The following CYP2C19 variants were observed in gnomAD, a reference collection of about 807,000 sequenced individuals.
CYP2C19 encodes cytochrome P450 2C19.
In CYP2C19, 59 loss-of-function variants were observed where a neutral mutation model predicts 40.9. The ratio of observed to expected loss-of-function variants is 1.44; its 90% CI spans 1.17 to 1.79. The LOEUF is 1.79. CYP2C19 is among the 40% of genes most tolerant of loss of function. The pLI is 0.00. For synonymous variants in CYP2C19, 253 were observed against 208.7 expected (o/e 1.21, Z -1.83); for missense variants, 754 against 596.9 (o/e 1.26, Z -2.74).
chr10:94,818,260 G>GGTACCA (rs954177160), intron 5 of CYP2C19, among the ~76,000 whole-genome samples: 2 of 145,980 alleles, frequency 1.4e-5, no homozygotes, highest in African/African-American at 5.1e-5. Context: ...TCTCTGTTTT[G>GGTACCA]GTACCAGTAC....
rs1849509415 is a variant in CYP2C19, at chr10:94,842,401, T to TC, written c.962-436_962-435insC. 1.3e-5 allele frequency among the ~76,000 whole-genome samples: 2 copies of TC among 150,948 alleles called. 1 individual carries two copies. The highest frequency in any genetic ancestry group is 3.9e-4 in the East Asian group (2 of 5,156). ...GTGTTTTTTTAAGTGAAGTTTTTTTTTTTTTTTTTTTTAGGCAACAGATTA... is the reference window on the plus strand; with the variant it reads ...GTGTTTTTTTAAGTGAAGTTTTTTTTCTTTTTTTTTTTTAGGCAACAGATTA... On this transcript the variant is annotated intron_variant, in intron 6 of 8. Coordinates refer to ENST00000371321, the MANE Select transcript of CYP2C19 (RefSeq NM_000769.4).
rs79844221 is a variant in CYP2C19, at chr10:94,767,718, G to T, written c.168+4845G>T. Among the ~76,000 whole-genome samples, 45 of 152,292 alleles carry T rather than the reference G, an allele frequency of 3.0e-4. No homozygotes were observed. In the East Asian group the frequency reaches 8.5e-3, roughly 29 times the overall value. ...TGATGAGTGTTTTCAATACCCATAT[G>T]AAAAGTTTGGAGGAGGGTTTTAAGT... On this transcript the variant is annotated intron_variant, in intron 1 of 8. Coordinates refer to ENST00000371321, the MANE Select transcript of CYP2C19 (RefSeq NM_000769.4).
At chr10:94,823,845 T>C (rs542697916) in intron 6 of CYP2C19, among the ~76,000 whole-genome samples, 8 of 152,290 alleles carry the variant, frequency 5.3e-5, no homozygotes, top group Admixed American at 5.2e-4. Context: ...TTATAGAAAG[T>C]CCTGAGCTCC....
intron 8 of CYP2C19, among the ~76,000 whole-genome samples, chr10:94,850,643 T>G (rs1259982942): frequency 2.6e-5 from 4 of 152,054 alleles, no homozygotes; most frequent in Non-Finnish European, 5.9e-5. Flanking sequence ...TAACCCAAAA[T>G]GAGACATAAG....
chr10:94,816,534 A>AT (rs1564674327), intron 5 of CYP2C19, among the ~76,000 whole-genome samples: 1 of 150,452 alleles, frequency 6.6e-6, no homozygotes, highest in Non-Finnish European at 1.5e-5. Context: ...CTACTTATTT[A>AT]TTTTTTTAAT....
At chr10:94,831,399 G>A (rs754130355) in intron 6 of CYP2C19, among the ~76,000 whole-genome samples, 5 of 152,192 alleles carry the variant, frequency 3.3e-5, no homozygotes, top group Non-Finnish European at 7.4e-5. Context: ...ATACCCAGTA[G>A]TAGGGTTGTT....
intron 8 of CYP2C19, 104 bp from the exon 9 acceptor site, chr10:94,852,629 G>C (rs552671263): frequency 1.6e-6 from 2 of 1,263,038 alleles, no homozygotes; most frequent in Non-Finnish European, 2.3e-6. Context: ...ATGATTCACC[G>C]AACAGTTCTT....
chr10:94,853,054 C>A lies in CYP2C19; in HGVS notation c.*140C>A. 2.2e-6 allele frequency: 2 copies of A among 911,848 alleles called. No homozygotes were observed. The highest frequency in any genetic ancestry group is 3.3e-6 in the Non-Finnish European group (2 of 610,606). The allele number at this position is 911,848 out of a possible 1,614,324, so 56.5% of individuals were successfully genotyped here. Reference sequence around the variant, plus strand: ...CCCCAAGATCTAGTGAACATTCAGCCTCCATTAAAAAAGTTTCACTGTGCA... The same window carrying A: ...CCCCAAGATCTAGTGAACATTCAGCATCCATTAAAAAAGTTTCACTGTGCA... On this transcript the variant is annotated 3_prime_UTR_variant, in exon 9 of 9. Coordinates refer to ENST00000371321, the MANE Select transcript of CYP2C19 (RefSeq NM_000769.4).
intron 5 of CYP2C19, among the ~76,000 whole-genome samples, chr10:94,801,073 A>T (rs1186164991): frequency 6.6e-6 from 1 of 152,186 alleles, no homozygotes; most frequent in Non-Finnish European, 1.5e-5. Flanking sequence ...CCGCAGTTGG[A>T]AGTGCAGAAA....
At chr10:94,850,539 G>T (rs1443046995) in intron 8 of CYP2C19, among the ~76,000 whole-genome samples, 1 of 152,186 alleles carries the variant, frequency 6.6e-6, no homozygotes, top group Non-Finnish European at 1.5e-5. Context: ...ACAGATCATT[G>T]TAGTTCAATA....
chr10:94,820,581 C>G lies in CYP2C19; in HGVS notation c.905C>G (p.Thr302Arg), dbSNP rs58259047. 11 of 1,614,058 alleles carry G rather than the reference C, an allele frequency of 6.8e-6. No individual in the cohort carries two copies. The East Asian group carries it at 8.9e-5, about 13-fold the overall frequency. ...TTACTTGGAGCTGGGACAGAGACAACAAGCACAACCCTGAGATATGCTCTC... is the reference window on the plus strand; with the variant it reads ...TTACTTGGAGCTGGGACAGAGACAAGAAGCACAACCCTGAGATATGCTCTC... ...ADLLGAGTET[T>R]STTLRYALLL... Residue 302 changes from threonine to arginine, a missense_variant, in exon 6 of 9, where the codon ACA (threonine) becomes AGA (arginine). By Grantham distance (71) the Thr-to-Arg change is moderately conservative. Transcript: ENST00000371321.
At chr10:94,848,436 C>T (rs1355033144) in intron 7 of CYP2C19, among the ~76,000 whole-genome samples, 2 of 152,016 alleles carry the variant, frequency 1.3e-5, no homozygotes, top group Non-Finnish European at 2.9e-5. Context: ...CATTGGTCTA[C>T]ATCTCTGTTT....
At chr10:94,770,447 A>G (rs1282762260) in intron 1 of CYP2C19, among the ~76,000 whole-genome samples, 1 of 152,114 alleles carries the variant, frequency 6.6e-6, no homozygotes, top group Non-Finnish European at 1.5e-5. Context: ...TCTGAGGGCC[A>G]TGACTAAGGC....
At chr10:94,817,846 T>C (rs1370213785) in intron 5 of CYP2C19, among the ~76,000 whole-genome samples, 3 of 151,698 alleles carry the variant, frequency 2.0e-5, no homozygotes, top group Admixed American at 1.3e-4. Flanking sequence ...ACCCCGTCTC[T>C]ACTAAAAATA....
At chr10:94,775,754 G>T (rs1489762921) in intron 3 of CYP2C19, 2 of 692,350 alleles carry the variant, frequency 2.9e-6, no homozygotes. Flanking sequence ...GGGTATAAAA[G>T]TTCATTTAAT....
At chr10:94,815,908 C>G (rs542393376) in intron 5 of CYP2C19, among the ~76,000 whole-genome samples, 1 of 152,162 alleles carries the variant, frequency 6.6e-6, no homozygotes, top group Non-Finnish European at 1.5e-5. Flanking sequence ...TAATTGCAGA[C>G]TCTTGTTTCA....
intron 1 of CYP2C19, among the ~76,000 whole-genome samples, chr10:94,766,596 G>A (rs1848247766): frequency 6.6e-6 from 1 of 152,106 alleles, no homozygotes; most frequent in Non-Finnish European, 1.5e-5. Flanking sequence ...TAAAGATAAA[G>A]ATTATGTAGG....
chr10:94,821,935 C>A (rs1439295626), intron 6 of CYP2C19, among the ~76,000 whole-genome samples: 3 of 151,938 alleles, frequency 2.0e-5, no homozygotes, highest in African/African-American at 4.8e-5. Flanking sequence ...AACCCACATC[C>A]CTTCTCTCCC....
At chr10:94,809,017 T>C (rs895816037) in intron 5 of CYP2C19, among the ~76,000 whole-genome samples, 4 of 152,188 alleles carry the variant, frequency 2.6e-5, no homozygotes, top group African/African-American at 9.6e-5. Context: ...CAAATCTTGC[T>C]CCATAGTAAT....
Sources: allele counts gnomAD v4.1 joint callset (sites outside exome capture counted in the v4.1 genomes callset), GRCh38; gene constraint gnomAD v4.1.1; transcripts MANE v1.5; gene names NCBI Gene and HGNC (gene_info 2026-07-23, HGNC 2026-07-21).